Variants in LDLRAD3 observed in about 807,000 individuals in gnomAD.
The protein encoded by LDLRAD3 is low-density lipoprotein receptor class A domain-containing protein 3.
In LDLRAD3, 20 loss-of-function variants were observed where a neutral mutation model predicts 29.4. The ratio of observed to expected loss-of-function variants is 0.68; its 90% CI spans 0.48 to 0.99. The LOEUF is 0.99. Among genes scored for constraint, LDLRAD3 ranks in the 50% least tolerant of loss-of-function variants. LDLRAD3 has a pLI of 0.00. For synonymous variants in LDLRAD3, 157 were observed against 192.7 expected, an observed-to-expected ratio of 0.81 and a Z score of 1.53; for missense variants, 420 against 454.3, an observed-to-expected ratio of 0.92 and a Z score of 0.69.
intron 1 of LDLRAD3, among the ~76,000 whole-genome samples, chr11:35,981,071 A>C (rs548453966): frequency 1.0e-3 from 154 of 152,318 alleles, no homozygotes; most frequent in African/African-American, 3.6e-3. Context: ...AAGAAGAAGA[A>C]AAACAAATAT....
At chr11:36,058,614 C>T (rs1302135068) in intron 2 of LDLRAD3, among the ~76,000 whole-genome samples, 1 of 152,212 alleles carries the variant, frequency 6.6e-6, no homozygotes, top group Non-Finnish European at 1.5e-5. Flanking sequence ...AGAAATCCTT[C>T]TTGAGTCCTC....
chr11:36,104,003 G>A (rs1453406058), intron 4 of LDLRAD3, among the ~76,000 whole-genome samples: 6 of 152,306 alleles, frequency 3.9e-5, no homozygotes, highest in South Asian at 4.2e-4. Flanking sequence ...AGACATGAGT[G>A]TATGGATTGT....
chr11:36,219,404 C>T (rs1048550436), intron 4 of LDLRAD3, among the ~76,000 whole-genome samples: 5 of 152,072 alleles, frequency 3.3e-5, no homozygotes, highest in Non-Finnish European at 7.3e-5. Context: ...CATTTCGAGA[C>T]TTAACTATAA....
At chr11:36,050,552 C>T (rs961800253) in intron 2 of LDLRAD3, among the ~76,000 whole-genome samples, 1 of 152,150 alleles carries the variant, frequency 6.6e-6, no homozygotes, top group African/African-American at 2.4e-5. Flanking sequence ...GGAATGGAGG[C>T]CACTGGCCAG....
intron 2 of LDLRAD3, among the ~76,000 whole-genome samples, chr11:36,045,669 G>C (rs1439685693): frequency 6.7e-6 from 1 of 150,356 alleles, no homozygotes; most frequent in Non-Finnish European, 1.5e-5. Flanking sequence ...ATGGGGGTGG[G>C]TTTTTCCTGT....
intron 4 of LDLRAD3, among the ~76,000 whole-genome samples, chr11:36,098,841 T>C (rs1253378946): frequency 1.3e-5 from 2 of 152,164 alleles, no homozygotes; most frequent in South Asian, 2.1e-4. Flanking sequence ...GTCTGCAGAG[T>C]GGGATGTCTG....
chr11:36,188,446 A>C (rs980330529), intron 4 of LDLRAD3, among the ~76,000 whole-genome samples: 3 of 150,856 alleles, frequency 2.0e-5, no homozygotes, highest in Non-Finnish European at 4.4e-5. Flanking sequence ...TGGATTAGTG[A>C]ACTCAGAAAA....
rs552845206 is a variant in LDLRAD3 at position 36,199,136 on chromosome 11, G to A, written c.455-27949G>A. 4.6e-5 allele frequency among the ~76,000 whole-genome samples: 7 copies of A among 152,080 alleles called. No homozygotes were observed. The South Asian group carries it at 1.5e-3, about 32-fold the overall frequency. ...AGGATGGTCTTGATCTCCTAACCTC[G>A]TGATCCGCCCACCTTGGCCTACCAA... On this transcript the variant is annotated intron_variant, in intron 4 of 5. Transcript: ENST00000315571.
intron 4 of LDLRAD3, among the ~76,000 whole-genome samples, chr11:36,146,773 CTTTAT>C (rs55792933): frequency 4.9e-5 from 7 of 143,828 alleles, no homozygotes; most frequent in African/African-American, 8.0e-5. Context: ...TTTCCCTCTA[CTTTAT>C]TTTATTTTAT....
intron 1 of LDLRAD3, among the ~76,000 whole-genome samples, chr11:36,029,531 C>G (rs957084523): frequency 1.3e-5 from 2 of 152,058 alleles, no homozygotes; most frequent in African/African-American, 2.4e-5. Context: ...CTGCAAACCC[C>G]CACTAGATTA....
chr11:36,168,658 C>T (rs1854552496), intron 4 of LDLRAD3, among the ~76,000 whole-genome samples: 1 of 152,102 alleles, frequency 6.6e-6, no homozygotes, highest in South Asian at 2.1e-4. Flanking sequence ...GTAAATGTCA[C>T]TCATTTCACT....
intron 1 of LDLRAD3, among the ~76,000 whole-genome samples, chr11:35,952,654 C>T (rs1026130151): frequency 2.6e-5 from 4 of 152,190 alleles, no homozygotes; most frequent in African/African-American, 9.7e-5. Flanking sequence ...GGAATACCAA[C>T]CAAAAGCAAT....
intron 4 of LDLRAD3, among the ~76,000 whole-genome samples, chr11:36,144,747 G>A (rs1590305235): frequency 1.5e-5 from 2 of 137,634 alleles, no homozygotes; most frequent in South Asian, 4.9e-4. Context: ...CACCCCGTCC[G>A]GGAGGGAGGT....
chr11:35,985,669 A>G (rs1851605502), intron 1 of LDLRAD3, among the ~76,000 whole-genome samples: 2 of 152,080 alleles, frequency 1.3e-5, no homozygotes, highest in Admixed American at 6.6e-5. Flanking sequence ...TTCCAATGCC[A>G]TTCTCGTGAT....
intron 1 of LDLRAD3, among the ~76,000 whole-genome samples, chr11:35,958,918 A>T (rs1851240992): frequency 6.6e-6 from 1 of 151,988 alleles, no homozygotes; most frequent in Non-Finnish European, 1.5e-5. Flanking sequence ...TAGATTGCAG[A>T]CCCTCCTGGA....
At chr11:36,227,935 AGT>A (rs1267166893) in intron 5 of LDLRAD3, among the ~76,000 whole-genome samples, 1 of 152,254 alleles carries the variant, frequency 6.6e-6, no homozygotes, top group Non-Finnish European at 1.5e-5. Context: ...TGAGAGAATC[AGT>A]GAGTTCCTTA....
At chr11:36,127,145 A>G (rs1000047372) in intron 4 of LDLRAD3, among the ~76,000 whole-genome samples, 10 of 152,238 alleles carry the variant, frequency 6.6e-5, no homozygotes, top group African/African-American at 2.4e-4. Flanking sequence ...TGCAATCTTA[A>G]TATAGAAGAC....
chr11:36,188,114 G>A (rs1854880385), intron 4 of LDLRAD3, among the ~76,000 whole-genome samples: 1 of 152,000 alleles, frequency 6.6e-6, no homozygotes, highest in Non-Finnish European at 1.5e-5. Context: ...TGCTTTCTAT[G>A]TTGAAAAGTG....
intron 1 of LDLRAD3, among the ~76,000 whole-genome samples, chr11:36,034,555 G>A (rs551892750): frequency 6.6e-6 from 1 of 152,348 alleles, no homozygotes; most frequent in East Asian, 1.9e-4. Context: ...AAACGTGCAT[G>A]TGCGTTATTA....
Sources: allele counts gnomAD v4.1 joint callset (sites outside exome capture counted in the v4.1 genomes callset), GRCh38; gene constraint gnomAD v4.1.1; transcripts MANE v1.5; gene names NCBI Gene and HGNC (gene_info 2026-07-23, HGNC 2026-07-21).